The following KIAA1958 variants were observed in gnomAD, a reference collection of about 807,000 sequenced individuals.
KIAA1958 encodes KIAA1958, also known as uncharacterized protein KIAA1958.
In KIAA1958, 14 loss-of-function variants were observed where a neutral mutation model predicts 47.2. The ratio of observed to expected loss-of-function variants is 0.30; its 90% CI spans 0.20 to 0.46. The LOEUF (loss-of-function observed/expected upper bound fraction) is 0.46, where lower values mean the gene tolerates loss of function less well. Among genes scored for constraint, KIAA1958 ranks in the 20% least tolerant of loss-of-function variants. KIAA1958 has a pLI of 1.00. For synonymous variants in KIAA1958, 354 were observed against 353.3 expected (o/e 1.00, Z -0.02); for missense variants, 803 against 909.2 (o/e 0.88, Z 1.50).
chr9:112,559,159 G>A (rs899480562), intron 1 of KIAA1958, among the ~76,000 whole-genome samples: 5 of 152,228 alleles, frequency 3.3e-5, no homozygotes, highest in African/African-American at 1.2e-4. Flanking sequence ...TGTGAAGGAT[G>A]TGTTGGAGTC....
At chr9:112,589,398 A>G (rs960348560) in intron 2 of KIAA1958, among the ~76,000 whole-genome samples, 1 of 152,102 alleles carries the variant, frequency 6.6e-6, no homozygotes, top group Non-Finnish European at 1.5e-5. Context: ...GGAGTTCAAG[A>G]CCAGCCTGAC....
At chr9:112,553,738 G>A (rs1044854570) in intron 1 of KIAA1958, among the ~76,000 whole-genome samples, 6 of 152,002 alleles carry the variant, frequency 3.9e-5, no homozygotes, top group Non-Finnish European at 7.4e-5. Context: ...ATCTAATGAC[G>A]TCACTTATCA....
Position 112,669,137 on chromosome 9 carries a change from C to T in KIAA1958, c.*9068C>T, listed in dbSNP as rs1324011334. On this transcript the variant is annotated 3_prime_UTR_variant, in exon 4 of 4. Coordinates refer to ENST00000337530, the MANE Select transcript of KIAA1958 (RefSeq NM_133465.4). ...CCCCAGATGGTCGCACCTGTGCATACATCCCTGTGCATGTGGGGGCACATG... is the reference window on the plus strand; with the variant it reads ...CCCCAGATGGTCGCACCTGTGCATATATCCCTGTGCATGTGGGGGCACATG... The T allele has an allele frequency of 6.6e-6, 1 of 152,256 alleles. No homozygotes were observed. Among genetic ancestry groups the T allele is most frequent in the African/African-American group, 2.4e-5 (1 of 41,466 alleles). 9.4% of individuals were successfully genotyped at this position (152,256 alleles called of 1,614,324 possible). A position where few individuals can be genotyped will look rare whatever the true frequency, so the allele number is the denominator to read the frequency against.
At position 112,558,039 on chromosome 9, in the gene KIAA1958, A is replaced by G. The variant is rs546791637; in HGVS notation, c.-24-16018A>G. 6.3e-3 allele frequency among the ~76,000 whole-genome samples: 954 copies of G among 152,282 alleles called. 9 individuals carry two copies. Among genetic ancestry groups the G allele is most frequent in the Non-Finnish European group, 0.011 (734 of 68,018 alleles). ...CAGGAGATCGAGACCATCCTGGCCA[A>G]CATGGTGAAACCCCGTCTCTACTAA... On this transcript the variant is annotated intron_variant, in intron 1 of 3. Coordinates refer to ENST00000337530, the MANE Select transcript of KIAA1958 (RefSeq NM_133465.4).
At chr9:112,552,826 T>G (rs1287063091) in intron 1 of KIAA1958, among the ~76,000 whole-genome samples, 1 of 152,170 alleles carries the variant, frequency 6.6e-6, no homozygotes, top group South Asian at 2.1e-4. Flanking sequence ...GGCATGCAGC[T>G]GTGTACAATT....
At chr9:112,562,127 G>A (rs893454861) in intron 1 of KIAA1958, among the ~76,000 whole-genome samples, 5 of 152,210 alleles carry the variant, frequency 3.3e-5, no homozygotes, top group African/African-American at 1.2e-4. Flanking sequence ...CACTTTGTGA[G>A]TGTATTGCAC....
At chr9:112,564,328 G>A (rs1367134947) in intron 1 of KIAA1958, among the ~76,000 whole-genome samples, 1 of 152,036 alleles carries the variant, frequency 6.6e-6, no homozygotes, top group African/African-American at 2.4e-5. Context: ...TAGGTTTTCT[G>A]TTTCTTTTTG....
At chr9:112,644,607 A>G (rs933274144) in intron 2 of KIAA1958, among the ~76,000 whole-genome samples, 1 of 114,894 alleles carries the variant, frequency 8.7e-6, no homozygotes, top group African/African-American at 3.1e-5. Flanking sequence ...TTGGCAACCA[A>G]CATTTAAAAT....
At chr9:112,622,951 G>A (rs776236385) in intron 2 of KIAA1958, among the ~76,000 whole-genome samples, 3 of 152,132 alleles carry the variant, frequency 2.0e-5, no homozygotes, top group Non-Finnish European at 4.4e-5. Context: ...TGTAATAAAA[G>A]TTAGTTCATT....
At chr9:112,532,800 C>T (rs143867786) in intron 1 of KIAA1958, among the ~76,000 whole-genome samples, 96 of 152,306 alleles carry the variant, frequency 6.3e-4, no homozygotes, top group African/African-American at 2.2e-3. Context: ...TAGCAGTACA[C>T]TAAGATGATA....
intron 1 of KIAA1958, among the ~76,000 whole-genome samples, chr9:112,563,600 A>T (rs1835375295): frequency 6.6e-6 from 1 of 151,764 alleles, no homozygotes; most frequent in Admixed American, 6.6e-5. Context: ...TTCAATTATG[A>T]GTTCTGGCAG....
chr9:112,627,575 G>A (rs1457648711), intron 2 of KIAA1958, among the ~76,000 whole-genome samples: 1 of 152,092 alleles, frequency 6.6e-6, no homozygotes, highest in Non-Finnish European at 1.5e-5. Flanking sequence ...CCAACATGAC[G>A]AAGCCCAGTC....
At chr9:112,517,058 T>G (rs1322427557) in intron 1 of KIAA1958, among the ~76,000 whole-genome samples, 1 of 150,842 alleles carries the variant, frequency 6.6e-6, no homozygotes, top group Non-Finnish European at 1.5e-5. Flanking sequence ...TGTTTACACA[T>G]CGAGTTAGGT....
chr9:112,549,786 G>A (rs1835109426), intron 1 of KIAA1958, among the ~76,000 whole-genome samples: 1 of 152,164 alleles, frequency 6.6e-6, no homozygotes, highest in Non-Finnish European at 1.5e-5. Flanking sequence ...GACATTTTTG[G>A]TTGTCACGAC....
chr9:112,544,139 A>G (rs1472051581), intron 1 of KIAA1958, among the ~76,000 whole-genome samples: 2 of 152,136 alleles, frequency 1.3e-5, no homozygotes, highest in Non-Finnish European at 2.9e-5. Flanking sequence ...ACAGAATACT[A>G]GATTCATTGT....
rs764452395 is a variant in KIAA1958 at position 112,618,558 on chromosome 9, A to T, written c.1172-27092A>T. 11 of 1,550,714 alleles carry T rather than the reference A, an allele frequency of 7.1e-6. No homozygotes were observed. The highest frequency in any genetic ancestry group is 9.6e-6 in the Non-Finnish European group (11 of 1,147,004). ...CCACAGACCTGCCCTGTCCAGGACT[A>T]TAAGGAGTATGCCCAGCGGCGGCCT... On this transcript the variant is annotated intron_variant, in intron 2 of 3. Coordinates refer to ENST00000337530, the MANE Select transcript of KIAA1958 (RefSeq NM_133465.4). This position sits in a 1 kb window ranked among gnomAD's most constrained non-coding sequence, Gnocchi z 7.1.
intron 2 of KIAA1958, among the ~76,000 whole-genome samples, chr9:112,620,738 C>G (rs903751885): frequency 1.3e-5 from 2 of 151,654 alleles, no homozygotes; most frequent in African/African-American, 2.4e-5. Flanking sequence ...CATGCCAGCA[C>G]TGTGCTAAGT....
intron 3 of KIAA1958, among the ~76,000 whole-genome samples, chr9:112,654,964 TATCTG>T (rs1837125191): frequency 6.6e-6 from 1 of 152,192 alleles, no homozygotes; most frequent in South Asian, 2.1e-4. Flanking sequence ...TTTCTTGTCT[TATCTG>T]GTTGGTGAGA....
At chr9:112,579,421 T>A (rs889937434) in intron 2 of KIAA1958, among the ~76,000 whole-genome samples, 9 of 152,090 alleles carry the variant, frequency 5.9e-5, no homozygotes, top group Non-Finnish European at 1.0e-4. Flanking sequence ...GACATTTGAC[T>A]TTACAGTTAG....
Sources: gnomAD v4.1 joint callset for allele counts (sites outside exome capture counted in the v4.1 genomes callset) on GRCh38, gnomAD v4.1.1 for gene constraint, Gnocchi (gnomAD v3.1) non-coding constraint, MANE v1.5 for transcripts, NCBI Gene and HGNC (gene_info 2026-07-23, HGNC 2026-07-21) for gene names.